Variants in ACCSL observed in about 807,000 individuals in gnomAD.
The protein encoded by ACCSL is 1-aminocyclopropane-1-carboxylate synthase homolog (inactive) like.
Under a neutral mutation model 61.7 loss-of-function variants are expected in ACCSL, and 55 were observed. The ratio of observed to expected loss-of-function variants is 0.89; its 90% CI spans 0.72 to 1.12. The LOEUF (loss-of-function observed/expected upper bound fraction) is 1.12, where lower values mean the gene tolerates loss of function less well. Ranked by LOEUF, ACCSL falls within the 50% of genes most tolerant of loss-of-function variation. The pLI is 0.00. For synonymous variants in ACCSL, 258 were observed against 264.3 expected, an observed-to-expected ratio of 0.98 and a Z score of 0.23; for missense variants, 632 against 698.0, an observed-to-expected ratio of 0.91 and a Z score of 1.07.
chr11:44,013,436 T>C, the ACCSL span, among the ~76,000 whole-genome samples: 1 of 151,880 alleles, frequency 6.6e-6, no homozygotes, highest in Non-Finnish European at 1.5e-5. Flanking sequence ...CCCACCACCA[T>C]GCCTGGCTAA....
the ACCSL span, among the ~76,000 whole-genome samples, chr11:44,028,637 C>T: frequency 6.6e-6 from 1 of 152,112 alleles, no homozygotes; most frequent in Non-Finnish European, 1.5e-5. Flanking sequence ...GGAGCCCTTA[C>T]CCAGGGGTCA....
chr11:44,048,137 T>C lies in ACCSL; in HGVS notation c.101T>C (p.Leu34Pro). Residue 34 changes from leucine to proline, a missense_variant, in exon 1 of 14, where the codon CTG (leucine) becomes CCG (proline). Physicochemically the swap from Leu to Pro is moderately conservative, Grantham distance 98 (BLOSUM62 -3). Coordinates refer to ENST00000378832, the MANE Select transcript of ACCSL (RefSeq NM_001031854.2). ...SIYTQLLEIT[L>P]HLQQAMTEHF... ...TATACCCAGCTGTTGGAGATAACGCTGCACTTGCAGCAGGCCATGACGGAG... is the reference window on the plus strand; with the variant it reads ...TATACCCAGCTGTTGGAGATAACGCCGCACTTGCAGCAGGCCATGACGGAG... The C allele has an allele frequency of 6.2e-7, 1 of 1,614,200 alleles. No homozygotes were observed. The highest frequency in any genetic ancestry group is 8.5e-7 in the Non-Finnish European group (1 of 1,180,042).
chr11:43,934,319 TG>T, the ACCSL span, among the ~76,000 whole-genome samples: 2 of 152,138 alleles, frequency 1.3e-5, no homozygotes, highest in South Asian at 4.2e-4. Flanking sequence ...GAGGGCCCCC[TG>T]GGGGTGGAGT....
the ACCSL span, among the ~76,000 whole-genome samples, chr11:44,017,098 C>T: frequency 6.6e-6 from 1 of 152,176 alleles, no homozygotes; most frequent in Admixed American, 6.5e-5. Context: ...TTCAGATACA[C>T]ACAGGCACAC....
the ACCSL span, chr11:43,942,395 C>T: frequency 0.084 from 17,627 of 210,586 alleles, 929 homozygotes; most frequent in African/African-American, 0.14. Flanking sequence ...TCGGGCCAGC[C>T]GCGTGCTCCG....
At chr11:43,967,789 T>C in the ACCSL span, among the ~76,000 whole-genome samples, 2 of 152,234 alleles carry the variant, frequency 1.3e-5, no homozygotes, top group Admixed American at 6.5e-5. Flanking sequence ...TGGATTTTCA[T>C]GCCCAGCTAT....
At chr11:43,970,483 C>T in the ACCSL span, among the ~76,000 whole-genome samples, 1 of 152,174 alleles carries the variant, frequency 6.6e-6, no homozygotes, top group Admixed American at 6.5e-5. Context: ...GGATTACAGA[C>T]GTGGGCAACC....
At chr11:43,993,315 C>A in the ACCSL span, among the ~76,000 whole-genome samples, 42,854 of 151,864 alleles carry the variant, frequency 0.28, 6,614 homozygotes, top group South Asian at 0.36. Flanking sequence ...TAGGTCAAGC[C>A]CTCTTCTCAG....
At chr11:44,020,792 C>T in the ACCSL span, among the ~76,000 whole-genome samples, 1 of 152,028 alleles carries the variant, frequency 6.6e-6, no homozygotes, top group African/African-American at 2.4e-5. Context: ...CCACCATTTC[C>T]CCTGACTCCC....
At chr11:43,926,388 T>C in the ACCSL span, 5 of 368,646 alleles carry the variant, frequency 1.4e-5, no homozygotes, top group Non-Finnish European at 2.7e-5. Context: ...CCGACCAGGC[T>C]CAGATGCACC....
At chr11:43,933,377 A>T in the ACCSL span, 2 of 332,852 alleles carry the variant, frequency 6.0e-6, no homozygotes, top group African/African-American at 4.3e-5. Flanking sequence ...AAAGTCCAGG[A>T]TGGGGTCCCA....
the ACCSL span, among the ~76,000 whole-genome samples, chr11:43,931,941 T>C: frequency 7.6e-6 from 1 of 130,852 alleles, no homozygotes; most frequent in East Asian, 2.2e-4. Context: ...AGCAGCACCC[T>C]GGTGTTCACA....
At chr11:43,953,908 ATGGAC>A in the ACCSL span, among the ~76,000 whole-genome samples, 1 of 152,062 alleles carries the variant, frequency 6.6e-6, no homozygotes, top group African/African-American at 2.4e-5. Flanking sequence ...ACTTTACACT[ATGGAC>A]TCGCCCCAAA....
At chr11:43,940,962 C>A in the ACCSL span, among the ~76,000 whole-genome samples, 2 of 152,134 alleles carry the variant, frequency 1.3e-5, no homozygotes, top group Non-Finnish European at 2.9e-5. Context: ...GCTGTGGGAC[C>A]TTGGGGCAAG....
chr11:44,054,267 T>G (rs907446419), intron 8 of ACCSL, among the ~76,000 whole-genome samples: 1 of 152,134 alleles, frequency 6.6e-6, no homozygotes, highest in African/African-American at 2.4e-5. Context: ...AGAAACAGAC[T>G]TAGTCAAACT....
the ACCSL span, among the ~76,000 whole-genome samples, chr11:43,927,033 C>T: frequency 6.6e-6 from 1 of 152,240 alleles, no homozygotes; most frequent in Admixed American, 6.5e-5. Context: ...CAGGCGTGAG[C>T]CACTGAGCCC....
chr11:43,976,178 C>T, the ACCSL span, among the ~76,000 whole-genome samples: 1 of 152,158 alleles, frequency 6.6e-6, no homozygotes, highest in Non-Finnish European at 1.5e-5. Context: ...AGATTCTGAA[C>T]TTAAAGCTGA....
chr11:43,925,099 G>C, the ACCSL span: 1 of 205,962 alleles, frequency 4.9e-6, no homozygotes, highest in South Asian at 8.4e-5. Context: ...AAAATCAAGA[G>C]GGGAGGCATG....
chr11:44,059,880 C>CT lies in ACCSL; in HGVS notation c.1670dup (p.Leu557PhefsTer32). 6.2e-7 allele frequency: 1 copy of CT among 1,613,968 alleles called. No homozygotes were observed. Among genetic ancestry groups the CT allele is most frequent in the Non-Finnish European group, 8.5e-7 (1 of 1,179,880 alleles). Reference sequence around the variant, plus strand: ...GATGTGCTGCAGGAGCAGAAGGAGGCTTTGATAGTGAAGCAGTTGGAGGAT... The same window carrying CT: ...GATGTGCTGCAGGAGCAGAAGGAGGCTTTTGATAGTGAAGCAGTTGGAGGAT... On this transcript the variant is annotated frameshift_variant, in exon 14 of 14. Transcript: ENST00000378832. LOFTEE classifies it low-confidence loss of function (END_TRUNC).
Sources: gnomAD v4.1 joint callset for allele counts (sites outside exome capture counted in the v4.1 genomes callset) on GRCh38, gnomAD v4.1.1 for gene constraint, MANE v1.5 for transcripts, NCBI Gene and HGNC (gene_info 2026-07-23, HGNC 2026-07-21) for gene names.